The following SPOCK3 variants were observed in gnomAD, a reference collection of about 807,000 sequenced individuals.
SPOCK3 encodes SPARC (osteonectin), cwcv and kazal like domains proteoglycan 3.
SPOCK3 carries 30 observed loss-of-function variants against 56.6 expected under a neutral mutation model. The observed-to-expected ratio is 0.53, with a 90% CI of 0.40 to 0.72. The LOEUF (loss-of-function observed/expected upper bound fraction) is 0.72, where lower values mean the gene tolerates loss of function less well. Ranked by LOEUF, SPOCK3 falls within the 30% of genes least tolerant of loss-of-function variation. The probability of loss-of-function intolerance (pLI) is 0.00; values close to 1 mark genes in which losing one functional copy is unlikely to be tolerated. For missense variants in SPOCK3, 527 were observed against 530.0 expected (o/e 0.99, Z 0.06); for synonymous variants, 196 against 183.3 (o/e 1.07, Z -0.56).
chr4:166,955,367 A>G (rs1002376665), intron 4 of SPOCK3, among the ~76,000 whole-genome samples: 1 of 150,636 alleles, frequency 6.6e-6, no homozygotes, highest in Admixed American at 6.6e-5. Flanking sequence ...ACTACCACAG[A>G]TTAAACAGGG....
chr4:166,851,205 C>T (rs183497457), intron 6 of SPOCK3, among the ~76,000 whole-genome samples: 5 of 152,290 alleles, frequency 3.3e-5, no homozygotes, highest in East Asian at 3.9e-4. Context: ...CTAGCAGGGG[C>T]AGACTGACAC....
At chr4:166,808,467 T>G (rs1743412609) in intron 6 of SPOCK3, among the ~76,000 whole-genome samples, 1 of 151,894 alleles carries the variant, frequency 6.6e-6, no homozygotes, top group African/African-American at 2.4e-5. Context: ...TCTCTCTCTC[T>G]CTCTGCCATG....
chr4:166,816,207 C>G (rs1346555707), intron 6 of SPOCK3, among the ~76,000 whole-genome samples: 1 of 151,716 alleles, frequency 6.6e-6, no homozygotes, highest in African/African-American at 2.4e-5. Flanking sequence ...ATAAAGAGCC[C>G]CTGTTTTGCT....
chr4:166,831,320 A>C (rs1211781737), intron 6 of SPOCK3, among the ~76,000 whole-genome samples: 2 of 152,064 alleles, frequency 1.3e-5, no homozygotes, highest in Non-Finnish European at 2.9e-5. Flanking sequence ...TTTATCTTTT[A>C]TTGTCTAGCA....
At chr4:166,886,108 C>T (rs1014587012) in intron 6 of SPOCK3, among the ~76,000 whole-genome samples, 1 of 152,076 alleles carries the variant, frequency 6.6e-6, no homozygotes, top group African/African-American at 2.4e-5. Context: ...TATACACATA[C>T]ATAAAATCTG....
At chr4:167,108,648 T>C (rs1760399719) in intron 2 of SPOCK3, among the ~76,000 whole-genome samples, 1 of 151,472 alleles carries the variant, frequency 6.6e-6, no homozygotes, top group Non-Finnish European at 1.5e-5. Context: ...GGATGGTTAC[T>C]AGATGCTGGG....
chr4:167,129,292 T>C (rs1475661079), intron 2 of SPOCK3, among the ~76,000 whole-genome samples: 2 of 152,202 alleles, frequency 1.3e-5, no homozygotes, highest in African/African-American at 4.8e-5. Context: ...GTTTGAGAAA[T>C]ACGGCTGTAG....
At chr4:166,977,406 T>G (rs1746072785) in intron 4 of SPOCK3, among the ~76,000 whole-genome samples, 3 of 136,510 alleles carry the variant, frequency 2.2e-5, no homozygotes, top group South Asian at 5.2e-4. Flanking sequence ...TACTTTAAAA[T>G]ATTCATTATG....
chr4:166,767,602 C>T (rs1738277361), intron 7 of SPOCK3, among the ~76,000 whole-genome samples: 3 of 152,146 alleles, frequency 2.0e-5, no homozygotes, highest in Non-Finnish European at 4.4e-5. Flanking sequence ...GAGTGCTTTC[C>T]TTCCAACTAA....
intron 4 of SPOCK3, among the ~76,000 whole-genome samples, chr4:166,990,761 A>C (rs1239331229): frequency 6.6e-6 from 1 of 152,118 alleles, no homozygotes; most frequent in African/African-American, 2.4e-5. Context: ...AAATGAATTT[A>C]TTAATGAATT....
intron 2 of SPOCK3, among the ~76,000 whole-genome samples, chr4:167,231,826 C>T (rs1434507307): frequency 2.6e-5 from 4 of 152,038 alleles, no homozygotes; most frequent in Admixed American, 1.3e-4. Context: ...AAAATGATGG[C>T]ATTTATCCGC....
At chr4:167,082,004 C>T (rs17599740) in intron 2 of SPOCK3, among the ~76,000 whole-genome samples, 12,981 of 152,072 alleles carry the variant, frequency 0.085, 718 homozygotes, top group South Asian at 0.17. Context: ...CATGCATCCT[C>T]ACACTCAATA....
At position 167,139,992 on chromosome 4, in the gene SPOCK3, TATG is replaced by T. The variant is rs1294666028; in HGVS notation, c.190-77458_190-77456del. ...CCTCCTGGACATTACTGTACCTGAA[TATG>T]ATACCTGAACGAGTTTGCCAATATG... On this transcript the variant is annotated intron_variant, in intron 2 of 10. Coordinates refer to ENST00000357545, the MANE Select transcript of SPOCK3 (RefSeq NM_001040159.2). 2.0e-5 allele frequency among the ~76,000 whole-genome samples: 3 copies of T among 151,982 alleles called. No homozygotes were observed. The East Asian group carries it at 5.8e-4, about 29-fold the overall frequency.
chr4:167,056,655 C>T (rs1372094520), intron 3 of SPOCK3, among the ~76,000 whole-genome samples: 1 of 151,962 alleles, frequency 6.6e-6, no homozygotes, highest in African/African-American at 2.4e-5. Flanking sequence ...GCCTCAGGAG[C>T]CAATGCGATC....
Position 167,078,634 on chromosome 4 carries a change from A to AT in SPOCK3, c.190-16098dup, listed in dbSNP as rs1757427138. Among the ~76,000 whole-genome samples the AT allele has an allele frequency of 2.6e-5, 4 of 151,756 alleles. No homozygotes were observed. In the South Asian group the frequency reaches 8.3e-4, roughly 31 times the overall value. On this transcript the variant is annotated intron_variant, in intron 2 of 10. Transcript: ENST00000357545. ...TCAGGTATTAAGTTTTCTTTGAATAATAATAATAATAATAACCCATAATCA... is the reference window on the plus strand; with the variant it reads ...TCAGGTATTAAGTTTTCTTTGAATAATTAATAATAATAATAACCCATAATCA...
chr4:167,223,644 C>G (rs1736293477), intron 2 of SPOCK3, among the ~76,000 whole-genome samples: 1 of 151,850 alleles, frequency 6.6e-6, no homozygotes, highest in African/African-American at 2.4e-5. Context: ...GGGGATATTA[C>G]TAATTAATAC....
intron 3 of SPOCK3, among the ~76,000 whole-genome samples, chr4:167,058,235 G>T (rs1359851460): frequency 6.6e-6 from 1 of 152,038 alleles, no homozygotes; most frequent in African/African-American, 2.4e-5. Flanking sequence ...TGACATGATT[G>T]TATATCTAGA....
rs542081118 is a variant in SPOCK3, at chr4:166,795,531, C to T, written c.590-3242G>A. On this transcript the variant is annotated intron_variant, in intron 6 of 10. Coordinates refer to ENST00000357545, the MANE Select transcript of SPOCK3 (RefSeq NM_001040159.2). ...TAATTTTCATTTGACAATAATTAAC[C>T]GATTTACTTTAAAATTGGCAATAAT... Among the ~76,000 whole-genome samples, 303 of 151,920 alleles carry T rather than the reference C, an allele frequency of 2.0e-3. 11 individuals are homozygous for T. In the South Asian group the frequency reaches 0.055, roughly 28 times the overall value.
At chr4:167,013,435 AG>A (rs1449497734) in intron 3 of SPOCK3, among the ~76,000 whole-genome samples, 1 of 151,604 alleles carries the variant, frequency 6.6e-6, no homozygotes, top group African/African-American at 2.4e-5. Flanking sequence ...AAATGCTAAT[AG>A]GATTTCTTTT....
Sources: gnomAD v4.1 joint callset for allele counts (sites outside exome capture counted in the v4.1 genomes callset) on GRCh38, gnomAD v4.1.1 for gene constraint, MANE v1.5 for transcripts, NCBI Gene and HGNC (gene_info 2026-07-23, HGNC 2026-07-21) for gene names.